Variants in PLB1 observed in about 807,000 individuals in gnomAD.
PLB1 encodes the protein phospholipase B1.
PLB1 carries 242 observed loss-of-function variants against 227.4 expected under a neutral mutation model. The ratio of observed to expected loss-of-function variants is 1.06; its 90% CI spans 0.96 to 1.18. The LOEUF (loss-of-function observed/expected upper bound fraction) is 1.18. PLB1 is among the 50% of genes most tolerant of loss of function. The probability of loss-of-function intolerance (pLI) is 0.00; values close to 1 mark genes in which losing one functional copy is unlikely to be tolerated. For missense variants in PLB1, 1,858 were observed against 1,816.3 expected (o/e 1.02, Z -0.42); for synonymous variants, 757 against 682.2 (o/e 1.11, Z -1.71).
rs565199399 is a variant in PLB1 at position 28,589,715 on chromosome 2, T to A, written c.1961T>A (p.Phe654Tyr). ...PDNSFFAPDC[F>Y]HFSSKSHSRA... ...AACTCTTTCTTCGCTCCTGACTGTTTCCACTTCAGCAGCAAGTCTCACTCC... is the reference window on the plus strand; with the variant it reads ...AACTCTTTCTTCGCTCCTGACTGTTACCACTTCAGCAGCAAGTCTCACTCC... The change falls in exon 28 of 58, where the codon TTC becomes TAC. Residue 654 changes from phenylalanine to tyrosine, a missense_variant. Transcript: ENST00000327757. The A allele has an allele frequency of 3.7e-6, 6 of 1,614,110 alleles. No homozygotes were observed. The highest frequency in any genetic ancestry group is 1.1e-5 in the South Asian group (1 of 91,082).
Position 28,589,494 on chromosome 2 carries a change from G to A in PLB1, c.1860G>A (p.Arg620=), listed in dbSNP as rs1230251661. ...TTGAGAGTGGGCGATATGACACAAG[G>A]GAAGATTTTACTGTGGTTGTGCAGC... ...QLIESGRYDT[R]EDFTVVVQPF... Residue 620 remains arginine, a synonymous_variant, in exon 27 of 58, where the codon AGG becomes AGA. Transcript: ENST00000327757. The A allele has an allele frequency of 6.2e-7, 1 of 1,614,138 alleles. No individual in the cohort carries two copies.
At chr2:28,581,340 G>A (rs926266491) in intron 23 of PLB1, among the ~76,000 whole-genome samples, 4 of 151,896 alleles carry the variant, frequency 2.6e-5, no homozygotes, top group Non-Finnish European at 5.9e-5. Flanking sequence ...AAGAAAAAGA[G>A]ATCGGGCCAT....
chr2:28,539,011 C>A, intron 10 of PLB1, 88 bp from the exon 11 acceptor site: 1 of 1,058,022 alleles, frequency 9.5e-7, no homozygotes. Flanking sequence ...CAACCACACC[C>A]CAACGGGGCC....
At chr2:28,635,116 T>C (rs1689143052) in intron 56 of PLB1, among the ~76,000 whole-genome samples, 1 of 152,196 alleles carries the variant, frequency 6.6e-6, no homozygotes, top group South Asian at 2.1e-4. Context: ...CAGCCATTAT[T>C]ATCTCAGCCA....
In PLB1 at chr2:28,604,046, G is replaced by A. The variant is rs201717611; in HGVS notation, c.2855G>A (p.Arg952Gln). The change falls in exon 40 of 58, where the codon CGG becomes CAG. Residue 952 changes from arginine to glutamine, a missense_variant and splice_region_variant. Coordinates refer to ENST00000327757, the MANE Select transcript of PLB1 (RefSeq NM_153021.5). Reference protein sequence around the residue: ...ARLEAFSRAYRSSMRELVGSG... With the variant: ...ARLEAFSRAYQSSMRELVGSG... ...CTGGAGGCCTTCAGCCGAGCCTACC[G>A]GGTAAGACCAAGAAGGGCACCATGC... 131 of 1,612,832 alleles carry A rather than the reference G, an allele frequency of 8.1e-5. No individual in the cohort carries two copies. Among genetic ancestry groups the A allele is most frequent in the Middle Eastern group, 1.7e-4 (1 of 6,060 alleles).
At chr2:28,578,880 C>T (rs758210433) in intron 22 of PLB1, among the ~76,000 whole-genome samples, 13 of 152,156 alleles carry the variant, frequency 8.5e-5, no homozygotes, top group South Asian at 8.3e-4. Context: ...CCTCCTTCCA[C>T]GCTCTTTTGG....
At chr2:28,617,578 T>A in intron 44 of PLB1, 149 bp from the exon 45 acceptor site, 2 of 747,428 alleles carry the variant, frequency 2.7e-6, no homozygotes, top group Non-Finnish European at 4.6e-6. Flanking sequence ...AGCCCACCTA[T>A]AACTCACAGT....
In PLB1 at chr2:28,591,302, AC is replaced by A. The variant is rs1168445658; in HGVS notation, c.2127+133del. ...GATGGGCATAAAGGCCACCCACCTG[AC>A]CTTCAGATGGGGTAGTGGGCAGAGT... is the stretch of plus-strand genomic sequence containing the variant. On this transcript the variant is annotated intron_variant, in intron 30 of 57. Coordinates refer to ENST00000327757, the MANE Select transcript of PLB1 (RefSeq NM_153021.5). The A allele has an allele frequency of 6.3e-6, 7 of 1,113,864 alleles. No homozygotes were observed. The African/African-American group carries it at 1.1e-4, about 17-fold the overall frequency. The allele number at this position is 1,113,864 out of a possible 1,614,324, so 69.0% of individuals were successfully genotyped here. A position where few individuals can be genotyped will look rare whatever the true frequency, so the allele number is the denominator to read the frequency against.
rs758764472 is a variant in PLB1 at position 28,604,037 on chromosome 2, G to A, written c.2846G>A (p.Arg949Gln). The change falls in exon 40 of 58, where the codon CGA becomes CAA. Residue 949 changes from arginine to glutamine, a missense_variant. Transcript: ENST00000327757. Reference sequence around the variant, plus strand: ...CTAGCCAGGCTGGAGGCCTTCAGCCGAGCCTACCGGGTAAGACCAAGAAGG... The same window carrying A: ...CTAGCCAGGCTGGAGGCCTTCAGCCAAGCCTACCGGGTAAGACCAAGAAGG... The part of the protein sequence containing the change: ...QELARLEAFS[R>Q]AYRSSMRELV... The A allele has an allele frequency of 6.2e-6, 10 of 1,613,538 alleles. No individual in the cohort carries two copies. The highest frequency in any genetic ancestry group is 2.2e-5 in the East Asian group (1 of 44,898).
intron 3 of PLB1, 58 bp from the exon 4 acceptor site, chr2:28,519,647 G>A (rs1282453224): frequency 7.5e-7 from 1 of 1,335,160 alleles, no homozygotes; most frequent in African/African-American, 1.5e-5. Flanking sequence ...CGGTATCCTT[G>A]GCCGACATCA....
intron 20 of PLB1, among the ~76,000 whole-genome samples, chr2:28,569,975 AAAAAG>A (rs1158748170): frequency 5.7e-5 from 8 of 139,498 alleles, no homozygotes; most frequent in East Asian, 2.0e-4. Flanking sequence ...CAAAAAAAAA[AAAAAG>A]AAAGAAAAAA....
chr2:28,566,983 C>T, intron 20 of PLB1, 144 bp downstream of exon 20: 1 of 814,740 alleles, frequency 1.2e-6, no homozygotes, highest in Non-Finnish European at 1.9e-6. Context: ...CCTCCCGAGA[C>T]TGCCGCCCAG....
rs759657432 is a variant in PLB1, at chr2:28,628,536, A to T, written c.3661-27A>T. 2.5e-5 allele frequency: 40 copies of T among 1,611,028 alleles called. No individual in the cohort carries two copies. In the Admixed American group the frequency reaches 6.0e-4, roughly 24 times the overall value. On this transcript the variant is annotated intron_variant, in intron 51 of 57. Transcript: ENST00000327757. ...TCTCTCAGAGCGGGCACCAGGGGCT[A>T]AAGAGAGTACCCTTTTTTCCTTACA... is the stretch of plus-strand genomic sequence containing the variant.
chr2:28,518,643 T>C, intron 3 of PLB1, 111 bp downstream of exon 3: 2 of 735,000 alleles, frequency 2.7e-6, no homozygotes, highest in South Asian at 1.7e-5. Flanking sequence ...CAAGTCCTCC[T>C]CTTCCTTATC....
intron 49 of PLB1, among the ~76,000 whole-genome samples, chr2:28,623,730 C>T (rs868174186): frequency 7.9e-5 from 12 of 152,150 alleles, no homozygotes; most frequent in Admixed American, 2.0e-4. Context: ...CCTTTGCTGA[C>T]CTAACTTCTC....
chr2:28,582,654 G>A (rs1325734109), intron 25 of PLB1, 149 bp downstream of exon 25: 4 of 648,278 alleles, frequency 6.2e-6, no homozygotes, highest in Non-Finnish European at 1.1e-5. Flanking sequence ...CCTAAGGGGA[G>A]GATATCCTAG....
At chr2:28,538,462 G>T in intron 10 of PLB1, 81 bp downstream of exon 10, 1 of 1,329,132 alleles carries the variant, frequency 7.5e-7, no homozygotes, top group Non-Finnish European at 1.1e-6. Context: ...GTGGGGAAAT[G>T]GACCCCTGTG....
intron 6 of PLB1, among the ~76,000 whole-genome samples, chr2:28,526,746 G>A (rs183499532): frequency 1.3e-5 from 2 of 152,300 alleles, no homozygotes; most frequent in East Asian, 3.9e-4. Context: ...GTGCTCCATG[G>A]GAGTAATGAA....
chr2:28,505,193 T>C (rs1667516790), intron 1 of PLB1, among the ~76,000 whole-genome samples: 2 of 152,202 alleles, frequency 1.3e-5, no homozygotes, highest in African/African-American at 4.8e-5. Context: ...TTATCCAAAA[T>C]CATCCAGCTA....
Sources: gnomAD v4.1 joint callset for allele counts (sites outside exome capture counted in the v4.1 genomes callset) on GRCh38, gnomAD v4.1.1 for gene constraint, MANE v1.5 for transcripts, NCBI Gene and HGNC (gene_info 2026-07-23, HGNC 2026-07-21) for gene names.